The following SP110 variants were observed in gnomAD, a reference collection of about 807,000 sequenced individuals.
SP110 encodes the protein interferon-induced protein 41, 30kD.
In SP110, 62 loss-of-function variants were observed where a neutral mutation model predicts 92.7. The observed-to-expected ratio is 0.67, with a 90% CI of 0.55 to 0.83. SP110 has a LOEUF of 0.83. Among genes scored for constraint, SP110 ranks in the 40% least tolerant of loss-of-function variants. The pLI is 0.00. For synonymous variants in SP110, 273 were observed against 305.3 expected, an observed-to-expected ratio of 0.89 and a Z score of 1.10; for missense variants, 793 against 863.9, an observed-to-expected ratio of 0.92 and a Z score of 1.03.
intron 14 of SP110, 153 bp from the exon 15 acceptor site, chr2:230,173,112 G>A (rs867950601): frequency 3.1e-6 from 2 of 653,942 alleles, no homozygotes; most frequent in Non-Finnish European, 5.7e-6. Context: ...CTCCCTGGGG[G>A]AAATTGCAAG....
upstream of SP110, chr2:230,221,825 A>G (rs2045844876): frequency 8.7e-7 from 1 of 1,150,098 alleles, no homozygotes; most frequent in Non-Finnish European, 1.2e-6. Flanking sequence ...ACAAACAAAC[A>G]AAAGTAAAGC....
upstream of SP110, among the ~76,000 whole-genome samples, chr2:230,223,103 C>G (rs1193052237): frequency 1.3e-5 from 2 of 150,550 alleles, no homozygotes; most frequent in Non-Finnish European, 2.9e-5. Context: ...GTGGCGCAAT[C>G]TTGGCTCACT....
intron 12 of SP110, among the ~76,000 whole-genome samples, chr2:230,181,284 C>T (rs2042115650): frequency 6.6e-6 from 1 of 152,168 alleles, no homozygotes; most frequent in South Asian, 2.1e-4. Context: ...ATCAGATAGG[C>T]CCAGATACTG....
At chr2:230,215,495 G>T (rs1440520486) in intron 2 of SP110, among the ~76,000 whole-genome samples, 1 of 152,194 alleles carries the variant, frequency 6.6e-6, no homozygotes, top group Non-Finnish European at 1.5e-5. Flanking sequence ...TGGTTCTAGT[G>T]ATGGTCACAG....
At chr2:230,199,709 C>T (rs544519477) in intron 10 of SP110, among the ~76,000 whole-genome samples, 33 of 152,240 alleles carry the variant, frequency 2.2e-4, no homozygotes, top group Admixed American at 2.0e-3. Context: ...CTTCTTCACA[C>T]TTATGCTCTG....
At chr2:230,198,857 C>T (rs922265958) in intron 10 of SP110, among the ~76,000 whole-genome samples, 1 of 152,132 alleles carries the variant, frequency 6.6e-6, no homozygotes, top group African/African-American at 2.4e-5. Context: ...CTCGGCCTCC[C>T]AATAGCAAAT....
upstream of SP110, among the ~76,000 whole-genome samples, chr2:230,222,671 C>T (rs1460744337): frequency 6.7e-6 from 1 of 149,956 alleles, no homozygotes; most frequent in East Asian, 1.9e-4. Context: ...CTCTGGTGAG[C>T]AGTGACAGAG....
At chr2:230,189,738 C>T (rs879770368) in intron 10 of SP110, among the ~76,000 whole-genome samples, 6 of 152,182 alleles carry the variant, frequency 3.9e-5, no homozygotes, top group Non-Finnish European at 7.3e-5. Context: ...GTTCCCCTCT[C>T]TGTGTCCATG....
In SP110 at chr2:230,212,844, T is replaced by A. The variant is rs369596200; in HGVS notation, c.500A>T (p.Asp167Val). Reference protein sequence around the residue: ...SEPGTSSQQSDEILSESPSPS... With the variant: ...SEPGTSSQQSVEILSESPSPS... Reference sequence around the variant, plus strand: ...GCTGGGCGACTCACTCAGGATCTCATCGCTTTGCTGGGAGGATGTTCCAGG... The same window carrying A: ...GCTGGGCGACTCACTCAGGATCTCAACGCTTTGCTGGGAGGATGTTCCAGG... The change falls in exon 4 of 19, where the codon GAT becomes GTT. Residue 167 changes from aspartate to valine, a missense_variant. Coordinates refer to ENST00000258381, the MANE Select transcript of SP110 (RefSeq NM_080424.4). 1 of 1,614,062 alleles carries A rather than the reference T, an allele frequency of 6.2e-7. No individual in the cohort carries two copies. Among genetic ancestry groups the A allele is most frequent in the Non-Finnish European group, 8.5e-7 (1 of 1,180,008 alleles).
chr2:230,224,721 G>A (rs904199451), upstream of SP110, among the ~76,000 whole-genome samples: 2 of 152,172 alleles, frequency 1.3e-5, no homozygotes, highest in Non-Finnish European at 2.9e-5. Flanking sequence ...ACCAGAAAAA[G>A]TAGGATTCAG....
intron 2 of SP110, 134 bp from the exon 3 acceptor site, chr2:230,215,252 C>A: frequency 1.3e-6 from 1 of 743,292 alleles, no homozygotes; most frequent in Non-Finnish European, 2.3e-6. Context: ...TATATAGTCA[C>A]ATTCTCTAAG....
chr2:230,223,117 A>G (rs1204135810), upstream of SP110, among the ~76,000 whole-genome samples: 1 of 151,102 alleles, frequency 6.6e-6, no homozygotes, highest in East Asian at 1.9e-4. Flanking sequence ...GCTCACTGCA[A>G]CCTCCGCCTC....
chr2:230,211,457 A>C lies in SP110; in HGVS notation c.751+13T>G. 3 of 1,554,338 alleles carry C rather than the reference A, an allele frequency of 1.9e-6. No individual in the cohort carries two copies. Among genetic ancestry groups the C allele is most frequent in the Non-Finnish European group, 1.8e-6 (2 of 1,125,414 alleles). On this transcript the variant is annotated intron_variant, in intron 6 of 18. Coordinates refer to ENST00000258381, the MANE Select transcript of SP110 (RefSeq NM_080424.4). This position sits in a 1 kb window ranked among gnomAD's most constrained non-coding sequence, Gnocchi z 4.2. ...ACAAAGGCAAGCTTTTAGGTTGACC[A>C]AACCAAGATTACCTGGCATAGAGCC... is the stretch of plus-strand genomic sequence containing the variant.
At chr2:230,177,383 C>T in intron 14 of SP110, 155 bp downstream of exon 14, 1 of 827,396 alleles carries the variant, frequency 1.2e-6, no homozygotes, top group Non-Finnish European at 2.1e-6. Flanking sequence ...GTGCTCCTAA[C>T]TTTGTCACCC....
chr2:230,188,038 A>G (rs6751617), intron 10 of SP110, among the ~76,000 whole-genome samples: 146,675 of 152,288 alleles, frequency 0.96, 70,671 homozygotes, highest in East Asian at 1. Flanking sequence ...AATGATGTTG[A>G]TATTTGATAA....
intron 17 of SP110, 173 bp downstream of exon 17, chr2:230,171,523 G>A: frequency 1.5e-6 from 1 of 668,996 alleles, no homozygotes. Context: ...GTTTGAACCA[G>A]GTAGTCCCTC....
At chr2:230,213,103 T>C in intron 3 of SP110, 76 bp from the exon 4 acceptor site, 2 of 1,417,300 alleles carry the variant, frequency 1.4e-6, no homozygotes, top group South Asian at 1.2e-5. Context: ...TCTTAATACA[T>C]GCCTTCCAAT....
At chr2:230,213,122 G>A (rs1337580202) in intron 3 of SP110, 95 bp from the exon 4 acceptor site, 2 of 1,215,944 alleles carry the variant, frequency 1.6e-6, no homozygotes, top group Non-Finnish European at 2.4e-6. Context: ...ATAGGATGGG[G>A]GCATGGAGCT....
intron 2 of SP110, among the ~76,000 whole-genome samples, chr2:230,216,527 G>A (rs200101397): frequency 1.3e-5 from 2 of 152,166 alleles, no homozygotes; most frequent in East Asian, 3.9e-4. Context: ...CTCCACACCT[G>A]AGAGAATATA....
Sources: gnomAD v4.1 joint callset for allele counts (sites outside exome capture counted in the v4.1 genomes callset) on GRCh38, gnomAD v4.1.1 for gene constraint, Gnocchi (gnomAD v3.1) non-coding constraint, MANE v1.5 for transcripts, NCBI Gene and HGNC (gene_info 2026-07-23, HGNC 2026-07-21) for gene names.